KCND3: variants seen among roughly 807,000 people sequenced by gnomAD.
KCND3 encodes A-type voltage-gated potassium channel KCND3.
KCND3 carries 9 observed loss-of-function variants against 51.1 expected under a neutral mutation model. The ratio of observed to expected loss-of-function variants is 0.18; its 90% CI spans 0.11 to 0.31. The LOEUF is 0.31. KCND3 is among the 10% of genes least tolerant of loss of function. KCND3 has a pLI of 1.00. For missense variants in KCND3, 526 were observed against 903.8 expected, an observed-to-expected ratio of 0.58 and a Z score of 5.36; for synonymous variants, 349 against 368.0, an observed-to-expected ratio of 0.95 and a Z score of 0.59.
intron 2 of KCND3, among the ~76,000 whole-genome samples, chr1:111,894,344 T>G (rs1050027168): frequency 1.3e-5 from 2 of 152,234 alleles, no homozygotes; most frequent in African/African-American, 4.8e-5. Flanking sequence ...CTTCTTAGCA[T>G]CAGGCCCTCA....
At chr1:111,942,234 T>C (rs1035527735) in intron 2 of KCND3, among the ~76,000 whole-genome samples, 3 of 152,178 alleles carry the variant, frequency 2.0e-5, no homozygotes, top group East Asian at 3.8e-4. Flanking sequence ...ACTTATGGAG[T>C]ATCTGCAATA....
At chr1:111,867,457 C>A (rs1450910531) in intron 2 of KCND3, among the ~76,000 whole-genome samples, 1 of 152,188 alleles carries the variant, frequency 6.6e-6, no homozygotes, top group East Asian at 1.9e-4. Context: ...GCACCCCAAT[C>A]CTGGGTTATA....
intron 2 of KCND3, among the ~76,000 whole-genome samples, chr1:111,919,423 C>A (rs554854282): frequency 9.9e-5 from 15 of 151,868 alleles, no homozygotes; most frequent in African/African-American, 2.7e-4. Context: ...TAAGAGCAAG[C>A]CCTATGATGA....
At chr1:111,914,771 T>C (rs1442683269) in intron 2 of KCND3, among the ~76,000 whole-genome samples, 1 of 152,062 alleles carries the variant, frequency 6.6e-6, no homozygotes, top group Non-Finnish European at 1.5e-5. Flanking sequence ...TTAAAGGAAG[T>C]TCTCCAGGAA....
At chr1:111,850,756 G>T (rs1667777256) in intron 2 of KCND3, among the ~76,000 whole-genome samples, 1 of 152,108 alleles carries the variant, frequency 6.6e-6, no homozygotes, top group South Asian at 2.1e-4. Flanking sequence ...CTCAGCCAGG[G>T]ACTGGGAGAG....
chr1:111,876,437 C>A (rs139236313), intron 2 of KCND3, among the ~76,000 whole-genome samples: 1 of 152,222 alleles, frequency 6.6e-6, no homozygotes, highest in Non-Finnish European at 1.5e-5. Flanking sequence ...GGCTAATTCA[C>A]CTCCGAGGCC....
chr1:111,835,518 G>A (rs1169054946), intron 2 of KCND3, among the ~76,000 whole-genome samples: 1 of 152,156 alleles, frequency 6.6e-6, no homozygotes, highest in African/African-American at 2.4e-5. Flanking sequence ...TGATAAAACA[G>A]GATGCGGTAA....
At chr1:111,850,269 A>G (rs1423644343) in intron 2 of KCND3, among the ~76,000 whole-genome samples, 1 of 152,112 alleles carries the variant, frequency 6.6e-6, no homozygotes. Context: ...TTGATTAGAG[A>G]AGCCCAAATT....
chr1:111,971,211 T>TTTA lies in KCND3; in HGVS notation c.1106+10407_1106+10409dup, dbSNP rs556365784. Among the ~76,000 whole-genome samples the TTTA allele has an allele frequency of 4.1e-3, 619 of 151,646 alleles. 2 individuals are homozygous for TTTA. Among genetic ancestry groups the TTTA allele is most frequent in the Non-Finnish European group, 6.3e-3 (427 of 67,904 alleles). ...ATCCACATGCCAATGTAAGGGTCCC[T>TTTA]TTATTATTATTATTATTTTAGCAAA... On this transcript the variant is annotated intron_variant, in intron 2 of 7. Transcript: ENST00000302127.
chr1:111,820,826 C>G (rs779012660), intron 2 of KCND3, among the ~76,000 whole-genome samples: 2 of 152,148 alleles, frequency 1.3e-5, no homozygotes, highest in Non-Finnish European at 2.9e-5. Context: ...GACACAGACA[C>G]AGGGGGGTGA....
chr1:111,959,790 A>G (rs1261973854), intron 2 of KCND3, among the ~76,000 whole-genome samples: 1 of 152,134 alleles, frequency 6.6e-6, no homozygotes, highest in East Asian at 1.9e-4. Flanking sequence ...AATAGTTCAC[A>G]GTGAAATGGT....
intron 2 of KCND3, among the ~76,000 whole-genome samples, chr1:111,811,110 G>A (rs1345817999): frequency 6.6e-6 from 1 of 152,124 alleles, no homozygotes; most frequent in Non-Finnish European, 1.5e-5. Flanking sequence ...AGGGGAGAGG[G>A]GTCTGAACAG....
chr1:111,946,447 A>C (rs1672781860), intron 2 of KCND3, among the ~76,000 whole-genome samples: 1 of 152,198 alleles, frequency 6.6e-6, no homozygotes, highest in African/African-American at 2.4e-5. Context: ...TTGAGTAGAC[A>C]AGATGGGAGC....
intron 2 of KCND3, among the ~76,000 whole-genome samples, chr1:111,893,054 A>C (rs867016588): frequency 1.3e-5 from 2 of 152,252 alleles, no homozygotes; most frequent in Non-Finnish European, 2.9e-5. Context: ...ACAGATGCTT[A>C]TTGAGCAGAT....
intron 2 of KCND3, among the ~76,000 whole-genome samples, chr1:111,938,535 G>A (rs1672327856): frequency 6.6e-6 from 1 of 152,178 alleles, no homozygotes; most frequent in Non-Finnish European, 1.5e-5. Context: ...AGAACAACAC[G>A]GGGGAAGGGG....
At chr1:111,954,026 G>T (rs934853810) in intron 2 of KCND3, among the ~76,000 whole-genome samples, 1 of 152,136 alleles carries the variant, frequency 6.6e-6, no homozygotes, top group Non-Finnish European at 1.5e-5. Context: ...GGGGGTGGGG[G>T]GAAGTGTACT....
chr1:111,849,370 G>A (rs1243459789), intron 2 of KCND3, among the ~76,000 whole-genome samples: 1 of 152,200 alleles, frequency 6.6e-6, no homozygotes, highest in Non-Finnish European at 1.5e-5. Context: ...AAGCCCAGGG[G>A]ATCTGGCTCA....
chr1:111,778,849 A>G (rs903935282), intron 5 of KCND3, among the ~76,000 whole-genome samples: 1 of 151,964 alleles, frequency 6.6e-6, no homozygotes, highest in Non-Finnish European at 1.5e-5. Context: ...TCAGCATTCC[A>G]TCCCTTCAAT....
At chr1:111,879,840 AC>A (rs1449886040) in intron 2 of KCND3, among the ~76,000 whole-genome samples, 1 of 152,178 alleles carries the variant, frequency 6.6e-6, no homozygotes, top group African/African-American at 2.4e-5. Flanking sequence ...TGCATCCAGG[AC>A]AGGCTGGTGC....
Sources: allele counts gnomAD v4.1 joint callset (sites outside exome capture counted in the v4.1 genomes callset), GRCh38; gene constraint gnomAD v4.1.1; transcripts MANE v1.5; gene names NCBI Gene and HGNC (gene_info 2026-07-23, HGNC 2026-07-21).